The following CCDC148 variants were observed in gnomAD, a reference collection of about 807,000 sequenced individuals.
CCDC148 encodes coiled-coil domain containing 148.
CCDC148 carries 89 observed loss-of-function variants against 85.7 expected under a neutral mutation model. That is an observed-to-expected ratio of 1.04 (90% CI 0.87 to 1.24). The LOEUF (loss-of-function observed/expected upper bound fraction) is 1.24, where lower values mean the gene tolerates loss of function less well. Among genes scored for constraint, CCDC148 ranks in the 50% most tolerant of loss-of-function variants. CCDC148 has a pLI of 0.00. For missense variants in CCDC148, 692 were observed against 671.7 expected (o/e 1.03, Z -0.33); for synonymous variants, 230 against 213.9 (o/e 1.08, Z -0.66).
intron 10 of CCDC148, among the ~76,000 whole-genome samples, chr2:158,224,870 C>T (rs973238537): frequency 1.3e-4 from 20 of 152,084 alleles, no homozygotes; most frequent in Admixed American, 7.2e-4. Flanking sequence ...TAAAGACCAT[C>T]GAGGCTAGGA....
intron 9 of CCDC148, among the ~76,000 whole-genome samples, chr2:158,299,201 C>G (rs1691332760): frequency 6.6e-6 from 1 of 152,136 alleles, no homozygotes; most frequent in African/African-American, 2.4e-5. Context: ...ACTAGAACTC[C>G]AAGACCTACA....
chr2:158,396,453 C>A (rs183371490), intron 1 of CCDC148, among the ~76,000 whole-genome samples: 1 of 152,082 alleles, frequency 6.6e-6, no homozygotes, highest in Non-Finnish European at 1.5e-5. Flanking sequence ...TAATTCTGGG[C>A]CCTGTCCACC....
At chr2:158,197,617 T>C (rs1040034417) in intron 11 of CCDC148, among the ~76,000 whole-genome samples, 2 of 152,178 alleles carry the variant, frequency 1.3e-5, no homozygotes, top group Non-Finnish European at 2.9e-5. Context: ...AGAGAGCCTC[T>C]AATAAACAAC....
intron 11 of CCDC148, among the ~76,000 whole-genome samples, chr2:158,213,678 T>C (rs1686694269): frequency 1.3e-5 from 2 of 152,144 alleles, no homozygotes; most frequent in Non-Finnish European, 2.9e-5. Context: ...ATACAACAAA[T>C]GAGATATGAC....
intron 1 of CCDC148, among the ~76,000 whole-genome samples, chr2:158,429,802 G>A (rs751594417): frequency 2.0e-5 from 3 of 152,118 alleles, no homozygotes; most frequent in Non-Finnish European, 4.4e-5. Flanking sequence ...GGCAAAACAT[G>A]TCTGTGATCA....
chr2:158,349,972 ACAAGGGATT>A (rs60467097), intron 2 of CCDC148, among the ~76,000 whole-genome samples: 25,699 of 152,024 alleles, frequency 0.17, 3,433 homozygotes, highest in African/African-American at 0.37. Context: ...TTCATTAAAG[ACAAGGGATT>A]TTTTGAGATT....
intron 2 of CCDC148, among the ~76,000 whole-genome samples, chr2:158,345,897 C>T (rs1459850732): frequency 1.3e-5 from 2 of 152,094 alleles, no homozygotes; most frequent in African/African-American, 4.8e-5. Flanking sequence ...AGAAATATGA[C>T]CTTGAACACA....
At chr2:158,250,647 A>G (rs1413807486) in intron 10 of CCDC148, 125 bp downstream of exon 10, 29 of 1,323,552 alleles carry the variant, frequency 2.2e-5, no homozygotes, top group Non-Finnish European at 2.8e-5. Flanking sequence ...AAAACATTCC[A>G]CTAGATCTTT....
intron 7 of CCDC148, among the ~76,000 whole-genome samples, chr2:158,326,932 A>AT (rs1456193045): frequency 6.6e-6 from 1 of 152,092 alleles, no homozygotes; most frequent in Non-Finnish European, 1.5e-5. Context: ...CATTGCTTTG[A>AT]TTACTTAACT....
At chr2:158,311,756 G>T (rs1383446221) in intron 8 of CCDC148, among the ~76,000 whole-genome samples, 1 of 152,048 alleles carries the variant, frequency 6.6e-6, no homozygotes, top group Non-Finnish European at 1.5e-5. Context: ...TTTAATTACT[G>T]AAACATTCAG....
At chr2:158,215,748 T>C (rs185197398) in intron 11 of CCDC148, among the ~76,000 whole-genome samples, 2 of 152,248 alleles carry the variant, frequency 1.3e-5, no homozygotes, top group Admixed American at 1.3e-4. Flanking sequence ...TTTACACAAA[T>C]GGTTGCTATA....
intron 1 of CCDC148, among the ~76,000 whole-genome samples, chr2:158,441,071 G>C (rs1687912538): frequency 1.3e-5 from 2 of 151,956 alleles, no homozygotes; most frequent in Admixed American, 6.6e-5. Context: ...AAAGAAAAAA[G>C]AAAGGAAAAG....
intron 9 of CCDC148, among the ~76,000 whole-genome samples, chr2:158,307,330 G>C (rs1415722031): frequency 2.6e-5 from 4 of 152,130 alleles, no homozygotes; most frequent in African/African-American, 7.2e-5. Context: ...AAGACACTTG[G>C]ACAGCTTTAT....
intron 7 of CCDC148, among the ~76,000 whole-genome samples, chr2:158,327,112 T>C (rs1036093689): frequency 1.3e-5 from 2 of 152,160 alleles, no homozygotes; most frequent in Admixed American, 1.3e-4. Context: ...TGAATAACTG[T>C]AAAAATAAAT....
In CCDC148 at chr2:158,205,859, C is replaced by T. The variant is rs190334235; in HGVS notation, c.1370+14736G>A. 2.1e-4 allele frequency among the ~76,000 whole-genome samples: 32 copies of T among 152,164 alleles called. No individual in the cohort carries two copies. In the East Asian group the frequency reaches 5.4e-3, roughly 26 times the overall value. On this transcript the variant is annotated intron_variant, in intron 11 of 13. Transcript: ENST00000283233. ...TGATGCAGAGGGTTCACTGGTGCCC[C>T]GGTGTATTCTGGGTAACTAGAATGT... is the stretch of plus-strand genomic sequence containing the variant.
At position 158,330,267 on chromosome 2, in the gene CCDC148, A is replaced by G. The variant is rs911787575; in HGVS notation, c.764+8459T>C. 1.3e-3 allele frequency among the ~76,000 whole-genome samples: 196 copies of G among 152,158 alleles called. 1 individual carries two copies. Among genetic ancestry groups the G allele is most frequent in the African/African-American group, 4.5e-3 (188 of 41,412 alleles). On this transcript the variant is annotated intron_variant, in intron 7 of 13. Coordinates refer to ENST00000283233, the MANE Select transcript of CCDC148 (RefSeq NM_138803.4). Reference sequence around the variant, plus strand: ...CTTTTCTGCATCTATTGAGATAATCATATGGTTTTTGTCTTTGGTTCTGTT... The same window carrying G: ...CTTTTCTGCATCTATTGAGATAATCGTATGGTTTTTGTCTTTGGTTCTGTT...
rs189875504 is a variant in CCDC148, at chr2:158,398,020, G to A, written c.26-39450C>T. ...GATTTTAAACCAACAAAGATCAAAA[G>A]AGACAAAGAAGGCCATTACATAATA... is the stretch of plus-strand genomic sequence containing the variant. On this transcript the variant is annotated intron_variant, in intron 1 of 13. Transcript: ENST00000283233. Among the ~76,000 whole-genome samples the A allele has an allele frequency of 6.8e-3, 1,029 of 152,182 alleles. 15 individuals carry two copies. Among genetic ancestry groups the A allele is most frequent in the African/African-American group, 0.024 (981 of 41,538 alleles).
At chr2:158,176,800 T>A in intron 12 of CCDC148, 139 bp from the exon 13 acceptor site, 1 of 919,938 alleles carries the variant, frequency 1.1e-6, no homozygotes, top group Non-Finnish European at 1.6e-6. Context: ...AGAAGAAATA[T>A]TAATTGGTCA....
intron 1 of CCDC148, among the ~76,000 whole-genome samples, chr2:158,368,258 G>A (rs1684284799): frequency 6.6e-6 from 1 of 152,076 alleles, no homozygotes; most frequent in Non-Finnish European, 1.5e-5. Context: ...ATGGGCATAT[G>A]TTCTTTATCC....
Sources: gnomAD v4.1 joint callset for allele counts (sites outside exome capture counted in the v4.1 genomes callset) on GRCh38, gnomAD v4.1.1 for gene constraint, MANE v1.5 for transcripts, NCBI Gene and HGNC (gene_info 2026-07-23, HGNC 2026-07-21) for gene names.